ATG7: variants seen among roughly 807,000 people sequenced by gnomAD.
The protein encoded by ATG7 is ubiquitin-like modifier-activating enzyme ATG7.
A neutral mutation model predicts 82.4 loss-of-function variants in ATG7; 70 were observed. The ratio of observed to expected loss-of-function variants is 0.85; its 90% CI spans 0.70 to 1.04. ATG7 has a LOEUF of 1.04. Ranked by LOEUF, ATG7 falls within the 50% of genes least tolerant of loss-of-function variation. ATG7 has a pLI of 0.00. For missense variants in ATG7, 792 were observed against 864.3 expected (o/e 0.92, Z 1.05); for synonymous variants, 287 against 313.0 (o/e 0.92, Z 0.88).
chr3:11,314,481 G>A (rs1054309516), intron 8 of ATG7, among the ~76,000 whole-genome samples: 4 of 152,132 alleles, frequency 2.6e-5, no homozygotes, highest in Non-Finnish European at 5.9e-5. Context: ...GGAAATATAA[G>A]TAAGGAAAAA....
rs914769012 is a variant in ATG7, at chr3:11,556,677, C to G, written c.*1834C>G. On this transcript the variant is annotated 3_prime_UTR_variant, in exon 21 of 21. Coordinates refer to ENST00000693202, the MANE Select transcript of ATG7 (RefSeq NM_001349232.2). Reference sequence around the variant, plus strand: ...AATAGGAAAGGGAAAAATTAAATAGCTACATATCATTAACAAATTAATGTT... The same window carrying G: ...AATAGGAAAGGGAAAAATTAAATAGGTACATATCATTAACAAATTAATGTT... The G allele has an allele frequency of 6.6e-6, 1 of 152,598 alleles. No individual in the cohort carries two copies. The highest frequency in any genetic ancestry group is 2.4e-5 in the African/African-American group (1 of 41,394). The allele number at this position is 152,598 out of a possible 1,614,324, so 9.5% of individuals were successfully genotyped here.
At chr3:11,505,147 C>G (rs767848897) in intron 20 of ATG7, among the ~76,000 whole-genome samples, 1 of 152,170 alleles carries the variant, frequency 6.6e-6, no homozygotes, top group Non-Finnish European at 1.5e-5. Context: ...AATTATTTGG[C>G]TCTTTAAACT....
At chr3:11,300,291 C>T (rs114406162) in intron 5 of ATG7, among the ~76,000 whole-genome samples, 133 of 152,102 alleles carry the variant, frequency 8.7e-4, no homozygotes, top group African/African-American at 3.2e-3. Context: ...CTTTGAGACT[C>T]GCCAGGTGTG....
chr3:11,409,317 TG>T (rs2152912032), intron 19 of ATG7, among the ~76,000 whole-genome samples: 1 of 152,324 alleles, frequency 6.6e-6, no homozygotes, highest in South Asian at 2.1e-4. Context: ...GATATTCTCT[TG>T]AGATGCCATG....
the ATG7 span, chr3:11,565,125 G>A: frequency 2.6e-6 from 3 of 1,146,432 alleles, no homozygotes; most frequent in Middle Eastern, 2.2e-4. The surrounding 1 kb of genome is among the most constrained non-coding windows in gnomAD (Gnocchi z 4.1). Flanking sequence ...TTACCCTGAA[G>A]CTCAGGTCGT....
In ATG7 at chr3:11,467,417, C is replaced by T. The variant is rs143229841; in HGVS notation, c.2079+40491C>T. On this transcript the variant is annotated intron_variant, in intron 20 of 20. Coordinates refer to ENST00000693202, the MANE Select transcript of ATG7 (RefSeq NM_001349232.2). ...TTTGAGATGGAGTCTCCCTGTGTCG[C>T]CCAGGCTGCAGTGCAATGGTGCGAT... Among the ~76,000 whole-genome samples, 94 of 152,332 alleles carry T rather than the reference C, an allele frequency of 6.2e-4. 1 individual carries two copies. The highest frequency in any genetic ancestry group is 2.2e-3 in the African/African-American group (91 of 41,588).
intron 20 of ATG7, among the ~76,000 whole-genome samples, chr3:11,534,573 C>T (rs62245950): frequency 0.026 from 4,032 of 152,346 alleles, 73 homozygotes; most frequent in Non-Finnish European, 0.043. Context: ...TGGCTACGTG[C>T]CGCCAGGCAG....
chr3:11,332,770 C>A (rs1438557507), intron 10 of ATG7: 4 of 402,378 alleles, frequency 9.9e-6, no homozygotes, highest in Non-Finnish European at 1.7e-5. Context: ...ATTCATTTTT[C>A]AGCCTCTAAA....
chr3:11,294,079 A>G (rs1478544059), intron 3 of ATG7, among the ~76,000 whole-genome samples: 1 of 151,796 alleles, frequency 6.6e-6, no homozygotes, highest in Non-Finnish European at 1.5e-5. Flanking sequence ...AGGGCTGAGC[A>G]TGGAAGCCTT....
chr3:11,477,026 A>G, intron 20 of ATG7: 1 of 1,141,248 alleles, frequency 8.8e-7, no homozygotes, highest in Non-Finnish European at 1.2e-6. Context: ...GCAGTCATTA[A>G]ATGATTGTTA....
At chr3:11,298,965 G>T in intron 4 of ATG7, 110 bp downstream of exon 4, 1 of 1,186,482 alleles carries the variant, frequency 8.4e-7, no homozygotes, top group Non-Finnish European at 1.2e-6. Flanking sequence ...TATAATCAGT[G>T]CTCTTCACTA....
intron 20 of ATG7, among the ~76,000 whole-genome samples, chr3:11,428,692 G>A (rs2082587896): frequency 6.6e-6 from 1 of 152,230 alleles, no homozygotes; most frequent in Admixed American, 6.5e-5. Flanking sequence ...TTTAAGCAAT[G>A]CTGTACTGCC....
At chr3:11,274,669 C>A (rs771459216) in intron 1 of ATG7, among the ~76,000 whole-genome samples, 2 of 152,088 alleles carry the variant, frequency 1.3e-5, no homozygotes, top group Non-Finnish European at 2.9e-5. Flanking sequence ...AAGATAGCTG[C>A]GTACCAATAT....
At chr3:11,485,696 T>A (rs1453485516) in intron 20 of ATG7, among the ~76,000 whole-genome samples, 1 of 152,244 alleles carries the variant, frequency 6.6e-6, no homozygotes, top group East Asian at 1.9e-4. Flanking sequence ...AAGTCTTTAA[T>A]CCATCTTGAA....
chr3:11,563,179 G>A, the ATG7 span, among the ~76,000 whole-genome samples: 1 of 152,212 alleles, frequency 6.6e-6, no homozygotes, highest in Non-Finnish European at 1.5e-5. Context: ...TCACAGTTAT[G>A]TCCCCCAGGT....
At chr3:11,426,397 C>T (rs1417490754) in intron 19 of ATG7, among the ~76,000 whole-genome samples, 1 of 152,104 alleles carries the variant, frequency 6.6e-6, no homozygotes, top group East Asian at 1.9e-4. Context: ...ATTTGGCTAG[C>T]TCGTATGTCA....
Position 11,348,035 on chromosome 3 carries a change from G to A in ATG7, c.1284G>A (p.Val428=), listed in dbSNP as rs778388524. ...GGCTCCAGAAAATATTCCCCGGTGT[G>A]GTATGTTGTTGCTTTTGCAGAGGTT... ...ADRLQKIFPG[V]NARGFNMSIP... is the part of the protein sequence containing the mutation. The change falls in exon 14 of 21, where the codon GTG becomes GTA. Residue 428 remains valine, a splice_region_variant and synonymous_variant. Coordinates refer to ENST00000693202, the MANE Select transcript of ATG7 (RefSeq NM_001349232.2). 1 of 1,611,874 alleles carries A rather than the reference G, an allele frequency of 6.2e-7. No homozygotes were observed. The highest frequency in any genetic ancestry group is 8.5e-7 in the Non-Finnish European group (1 of 1,178,568).
At chr3:11,559,211 CT>C (rs1321412825), downstream of ATG7, 2 of 1,422,760 alleles carry the variant, frequency 1.4e-6, no homozygotes, top group East Asian at 2.5e-5. Flanking sequence ...TCAAGAAATA[CT>C]TTTTCAACCT....
At chr3:11,571,801 C>T in the ATG7 span, among the ~76,000 whole-genome samples, 4 of 152,158 alleles carry the variant, frequency 2.6e-5, no homozygotes, top group South Asian at 2.1e-4. Context: ...CTGTGGCTTG[C>T]GGTCCCAGCG....
Sources: gnomAD v4.1 joint callset for allele counts (sites outside exome capture counted in the v4.1 genomes callset) on GRCh38, gnomAD v4.1.1 for gene constraint, Gnocchi (gnomAD v3.1) non-coding constraint, MANE v1.5 for transcripts, NCBI Gene and HGNC (gene_info 2026-07-23, HGNC 2026-07-21) for gene names.